Variants in NRDC observed in about 807,000 individuals in gnomAD.
NRDC encodes the protein nardilysin convertase.
In NRDC, 54 loss-of-function variants were observed where a neutral mutation model predicts 147.1. The ratio of observed to expected loss-of-function variants is 0.37; its 90% CI spans 0.29 to 0.46. The LOEUF (loss-of-function observed/expected upper bound fraction) is 0.46, where lower values mean the gene tolerates loss of function less well. NRDC is among the 20% of genes least tolerant of loss of function. The pLI is 1.00. For synonymous variants in NRDC, 440 were observed against 482.1 expected (o/e 0.91, Z 1.14); for missense variants, 1,082 against 1,370.6 (o/e 0.79, Z 3.33).
At position 51,790,661 on chromosome 1, in the gene NRDC, A is replaced by G. The variant is rs1001945997; in HGVS notation, c.3052-12T>C. The G allele has an allele frequency of 6.4e-7, 1 of 1,571,000 alleles. No homozygotes were observed. Among genetic ancestry groups the G allele is most frequent in the African/African-American group, 1.3e-5 (1 of 74,196 alleles). ...ATGAGAGCTGTGACCTGTTCCCACC[A>G]AAAAGAAAGATGCTCAGGTGAGGCA... On this transcript the variant is annotated splice_polypyrimidine_tract_variant and intron_variant, in intron 28 of 30. Transcript: ENST00000352171.
At chr1:51,844,676 G>A (rs1178552033) in intron 1 of NRDC, among the ~76,000 whole-genome samples, 6 of 150,732 alleles carry the variant, frequency 4.0e-5, no homozygotes, top group Non-Finnish European at 5.9e-5. Context: ...CCCGGGAGGC[G>A]AAGGCTGCAG....
At chr1:51,859,743 A>G (rs1295743373) in intron 1 of NRDC, 1 of 152,276 alleles carries the variant, frequency 6.6e-6, no homozygotes, top group Non-Finnish European at 1.5e-5. Context: ...GGTAACTTAA[A>G]ATACTTCTAA....
intron 20 of NRDC, among the ~76,000 whole-genome samples, chr1:51,803,338 G>C (rs1371287554): frequency 6.6e-6 from 1 of 152,100 alleles, no homozygotes; most frequent in Admixed American, 6.6e-5. Context: ...AGCTGGGTGT[G>C]GTGGTGCGTG....
Position 51,793,005 on chromosome 1 carries a change from A to G in NRDC, c.2776-581T>C, listed in dbSNP as rs967420722. On this transcript the variant is annotated intron_variant, in intron 24 of 30. Transcript: ENST00000352171. ...CAAGGATGTTGCTAGTGCCTCCCAG[A>G]GTCAGGATCTTGCAGGTTCCTCTCA... 4.6e-5 allele frequency among the ~76,000 whole-genome samples: 7 copies of G among 152,334 alleles called. No individual in the cohort carries two copies. In the South Asian group the frequency reaches 1.4e-3, roughly 32 times the overall value.
At position 51,808,875 on chromosome 1, in the gene NRDC, A is replaced by G. The variant is rs968636268; in HGVS notation, c.1990+440T>C. 1.3e-5 allele frequency among the ~76,000 whole-genome samples: 2 copies of G among 152,194 alleles called. 1 individual carries two copies. Among genetic ancestry groups the G allele is most frequent in the South Asian group, 4.1e-4 (2 of 4,832 alleles). On this transcript the variant is annotated intron_variant, in intron 17 of 30. Transcript: ENST00000352171. ...GAAACACTTTGCTATTTTCTATTCT[A>G]ACTGATTTTTTAATGCTTTCATGGC...
intron 21 of NRDC, chr1:51,799,206 A>G (rs1469485734): frequency 6.6e-6 from 1 of 151,984 alleles, no homozygotes; most frequent in East Asian, 1.9e-4. Context: ...TCCTTTTTTT[A>G]TTATTATACT....
chr1:51,809,723 C>A lies in NRDC; in HGVS notation c.1904-322G>T, dbSNP rs1041473776. Among the ~76,000 whole-genome samples, 6 of 151,914 alleles carry A rather than the reference C, an allele frequency of 3.9e-5. No homozygotes were observed. In the East Asian group the frequency reaches 1.2e-3, roughly 29 times the overall value. On this transcript the variant is annotated intron_variant, in intron 16 of 30. Coordinates refer to ENST00000352171, the MANE Select transcript of NRDC (RefSeq NM_001101662.2). ...ACCAGACTGACCAACATGGTGAAACCCCAGACAGATTTCTACTAAAAATAC... is the reference window on the plus strand; with the variant it reads ...ACCAGACTGACCAACATGGTGAAACACCAGACAGATTTCTACTAAAAATAC...
intron 1 of NRDC, among the ~76,000 whole-genome samples, chr1:51,843,211 T>C (rs1298567666): frequency 6.6e-6 from 1 of 151,588 alleles, no homozygotes; most frequent in African/African-American, 2.4e-5. Flanking sequence ...GGCATAAGGA[T>C]TGTTGAACTG....
At chr1:51,858,303 G>C (rs1682357016) in intron 1 of NRDC, among the ~76,000 whole-genome samples, 1 of 152,004 alleles carries the variant, frequency 6.6e-6, no homozygotes, top group Non-Finnish European at 1.5e-5. Context: ...AACATAGTGA[G>C]ATCTCCTCTC....
At position 51,790,635 on chromosome 1, in the gene NRDC, G is replaced by A; in HGVS notation, c.3066C>T (p.Ile1022=). The change falls in exon 29 of 31, where the codon ATC becomes ATT. Residue 1022 remains isoleucine, a synonymous_variant. Transcript: ENST00000352171. ...EAFNTQVTAL[I]KLKECEDTHL... is the part of the protein sequence containing the mutation. Reference sequence around the variant, plus strand: ...GGGTATCCTCACACTCCTTCAGCTTGATGAGAGCTGTGACCTGTTCCCACC... The same window carrying A: ...GGGTATCCTCACACTCCTTCAGCTTAATGAGAGCTGTGACCTGTTCCCACC... 1 of 1,612,092 alleles carries A rather than the reference G, an allele frequency of 6.2e-7. No homozygotes were observed. The highest frequency in any genetic ancestry group is 8.5e-7 in the Non-Finnish European group (1 of 1,178,172).
At chr1:51,790,133 C>A (rs1174907751) in intron 29 of NRDC, among the ~76,000 whole-genome samples, 1 of 152,136 alleles carries the variant, frequency 6.6e-6, no homozygotes, top group African/African-American at 2.4e-5. Context: ...AGTACAAGAT[C>A]CAGATCTTTT....
chr1:51,797,157 C>T (rs899043075), intron 22 of NRDC, among the ~76,000 whole-genome samples: 4 of 151,788 alleles, frequency 2.6e-5, no homozygotes, highest in South Asian at 2.1e-4. Flanking sequence ...GCCAAGATCA[C>T]GCCACTGGAC....
intron 21 of NRDC, 24 bp from the exon 22 acceptor site, chr1:51,798,435 C>A (rs768689114): frequency 9.0e-6 from 14 of 1,553,350 alleles, no homozygotes; most frequent in African/African-American, 2.7e-5. Flanking sequence ...AGAAAAAAAA[C>A]ACTCAAAGTT....
rs114746243 is a variant in NRDC, at chr1:51,811,978, G to A, written c.1779+16C>T. 2.3e-4 allele frequency: 356 copies of A among 1,560,408 alleles called. 2 individuals are homozygous for A. The African/African-American group carries it at 4.1e-3, about 18-fold the overall frequency. ...CTTCCCCTAAAAGTAAGTTTTAGAC[G>A]TATAAACCTCCTTACTTCTGGCTTG... On this transcript the variant is annotated intron_variant, in intron 15 of 30. Transcript: ENST00000352171.
At chr1:51,817,794 G>C (rs1571864614) in intron 10 of NRDC, among the ~76,000 whole-genome samples, 1 of 152,122 alleles carries the variant, frequency 6.6e-6, no homozygotes, top group East Asian at 1.9e-4. Flanking sequence ...TTTTTGACAA[G>C]ATCGAAACAA....
chr1:51,818,214 T>C (rs1378656436), intron 9 of NRDC, 79 bp from the exon 10 acceptor site: 9 of 907,256 alleles, frequency 9.9e-6, no homozygotes, highest in African/African-American at 1.7e-5. Flanking sequence ...TAAAATTCAA[T>C]ATATTTATCC....
chr1:51,805,866 A>G (rs1182862313), intron 18 of NRDC, among the ~76,000 whole-genome samples: 1 of 152,214 alleles, frequency 6.6e-6, no homozygotes. Context: ...AGATGCTAAG[A>G]ACATTAAGAG....
At chr1:51,852,775 T>A (rs977168347) in intron 1 of NRDC, among the ~76,000 whole-genome samples, 1 of 151,978 alleles carries the variant, frequency 6.6e-6, no homozygotes, top group African/African-American at 2.4e-5. Context: ...ACTTTCATCC[T>A]CCCAAATTAA....
At position 51,800,657 on chromosome 1, in the gene NRDC, G is replaced by T. The variant is rs1679150431; in HGVS notation, c.2340C>A (p.Tyr780Ter). ...CTGGTGTGGAATTGAACTCAGCTAA[G>T]TAGTCAATAATGAGCTGAAACAGTA... The part of the protein sequence containing the change: ...LPLLFQLIID[Y>*]LAEFNSTPAV... The change falls in exon 21 of 31, where the codon TAC becomes TAA. Residue 780 changes from tyrosine (Y) to a stop codon, truncating the protein, a stop_gained. Transcript: ENST00000352171. LOFTEE classifies it high-confidence loss of function. 6.2e-7 allele frequency: 1 copy of T among 1,613,658 alleles called. No homozygotes were observed. The highest frequency in any genetic ancestry group is 1.7e-5 in the Admixed American group (1 of 59,958).
Sources: allele counts gnomAD v4.1 joint callset (sites outside exome capture counted in the v4.1 genomes callset), GRCh38; gene constraint gnomAD v4.1.1; transcripts MANE v1.5; gene names NCBI Gene and HGNC (gene_info 2026-07-23, HGNC 2026-07-21).